Variants in ENO4 observed in about 807,000 individuals in gnomAD.
ENO4 encodes 2-phospho-D-glycerate hydro-lyase.
ENO4 carries 53 observed loss-of-function variants against 63.2 expected under a neutral mutation model. The observed-to-expected ratio is 0.84, with a 90% CI of 0.67 to 1.05. ENO4 has a LOEUF of 1.05. Ranked by LOEUF, ENO4 falls within the 50% of genes least tolerant of loss-of-function variation. The pLI, the probability that ENO4 is intolerant of heterozygous loss-of-function variation, is 0.00. For missense variants in ENO4, 719 were observed against 772.0 expected, an observed-to-expected ratio of 0.93 and a Z score of 0.81; for synonymous variants, 266 against 283.8, an observed-to-expected ratio of 0.94 and a Z score of 0.63.
intron 11 of ENO4, among the ~76,000 whole-genome samples, chr10:116,877,895 T>G (rs116427036): frequency 6.6e-6 from 1 of 152,230 alleles, no homozygotes; most frequent in Admixed American, 6.5e-5. Flanking sequence ...CATGACACTA[T>G]AGTCATCTCA....
In ENO4 at chr10:116,856,537, A is replaced by G; in HGVS notation, c.340A>G (p.Asn114Asp). The G allele has an allele frequency of 6.5e-7, 1 of 1,536,082 alleles. No individual in the cohort carries two copies. Among genetic ancestry groups the G allele is most frequent in the African/African-American group, 1.4e-5 (1 of 73,128 alleles). Residue 114 changes from asparagine to aspartate, a missense_variant, in exon 3 of 14, where the codon AAT (asparagine) becomes GAT (aspartate). Asn to Asp is a conservative substitution (Grantham distance 23). Coordinates refer to ENST00000341276, the MANE Select transcript of ENO4 (RefSeq NM_001242699.2). ...VISTHFEVHE[N>D]ALPELAKAEE... ...CTCGACTCATTTTGAAGTCCATGAG[A>G]ATGCTCTGCCCGAGCTGGCCAAGGC...
At chr10:116,908,828 A>C (rs1201079853) in intron 10 of ENO4, among the ~76,000 whole-genome samples, 2 of 152,182 alleles carry the variant, frequency 1.3e-5, no homozygotes, top group Admixed American at 6.5e-5. Context: ...ATCATACCTG[A>C]TTACTGAAGG....
chr10:116,885,175 A>C (rs1589771153), downstream of ENO4: 1 of 152,658 alleles, frequency 6.6e-6, no homozygotes, highest in East Asian at 1.9e-4. Flanking sequence ...TTTTGCCCTT[A>C]GGTGAAAAAC....
chr10:116,909,328 T>C (rs1010423988), intron 10 of ENO4, among the ~76,000 whole-genome samples: 1 of 152,196 alleles, frequency 6.6e-6, no homozygotes, highest in African/African-American at 2.4e-5. Context: ...AAATTAACTA[T>C]TCAAAAATTT....
Position 116,879,887 on chromosome 10 carries a change from C to T in ENO4, c.1624C>T (p.Arg542Trp), listed in dbSNP as rs753741582. 8.4e-6 allele frequency: 13 copies of T among 1,550,148 alleles called. No homozygotes were observed. Among genetic ancestry groups the T allele is most frequent in the East Asian group, 2.4e-5 (1 of 40,870 alleles). Residue 542 changes from arginine (R) to tryptophan (W), a missense_variant, in exon 13 of 14, where the codon CGG (arginine) becomes TGG (tryptophan). Transcript: ENST00000341276. ...LVDLAVGLGVRFIKLGGLSRG... is the reference protein window; with the variant it reads ...LVDLAVGLGVWFIKLGGLSRG... ...CTTTCAGGCTGTTGGGCTTGGTGTCCGGTTCATCAAGTTGGGGGGTCTTTC... is the reference window on the plus strand; with the variant it reads ...CTTTCAGGCTGTTGGGCTTGGTGTCTGGTTCATCAAGTTGGGGGGTCTTTC...
intron 7 of ENO4, among the ~76,000 whole-genome samples, chr10:116,863,145 G>A (rs555694261): frequency 9.8e-5 from 15 of 152,370 alleles, no homozygotes; most frequent in African/African-American, 3.6e-4. Flanking sequence ...ATGAGAGGCA[G>A]CTTGATGGAA....
At chr10:116,901,205 C>T (rs1334831200) in intron 10 of ENO4, 2 of 985,236 alleles carry the variant, frequency 2.0e-6, no homozygotes, top group Admixed American at 1.2e-4. Flanking sequence ...TCCACTAGAT[C>T]TGTCTGAAAC....
chr10:116,886,177 C>A, downstream of ENO4: 1 of 961,988 alleles, frequency 1.0e-6, no homozygotes, highest in Non-Finnish European at 1.5e-6. Flanking sequence ...TGCTAAACAG[C>A]TTACTTATGT....
intron 8 of ENO4, 71 bp from the exon 9 acceptor site, chr10:116,871,054 G>A: frequency 1.5e-6 from 2 of 1,337,636 alleles, no homozygotes; most frequent in Non-Finnish European, 2.1e-6. Flanking sequence ...CATAAACCAT[G>A]CTTATCACAG....
rs563551622 is a variant in ENO4 at position 116,895,379 on chromosome 10, C to T, written c.1194+15393C>T. ...CTAAAATTTATTTTGAAGCACAGCCCTTTATTGGACATTTGGCATGAAAAA... is the reference window on the plus strand; with the variant it reads ...CTAAAATTTATTTTGAAGCACAGCCTTTTATTGGACATTTGGCATGAAAAA... On this transcript the variant is annotated intron_variant, in intron 10 of 10. Transcript: ENST00000369207. Among the ~76,000 whole-genome samples, 6 of 152,228 alleles carry T rather than the reference C, an allele frequency of 3.9e-5. 1 individual carries two copies. Among genetic ancestry groups the T allele is most frequent in the African/African-American group, 1.4e-4 (6 of 41,552 alleles).
chr10:116,856,988 C>CAAA (rs66621882), intron 3 of ENO4, among the ~76,000 whole-genome samples: 1 of 120,148 alleles, frequency 8.3e-6, no homozygotes, highest in Non-Finnish European at 1.9e-5. Flanking sequence ...GACTCTGTAT[C>CAAA]AAAAAAAAAA....
At chr10:116,881,445 T>G in intron 13 of ENO4, 70 bp from the exon 14 acceptor site, 1 of 1,248,110 alleles carries the variant, frequency 8.0e-7, no homozygotes, top group Non-Finnish European at 1.1e-6. Context: ...ATGATCTCCT[T>G]CAACTTATGT....
rs763810517 is a variant in ENO4, at chr10:116,881,739, C to T, written c.*70C>T. The stretch of plus-strand genomic sequence containing the variant: ...GACCGGGAGGTCTGAAGTACGGCGC[C>T]GTGTCTCCACATGGAGTTTCCTCTT... On this transcript the variant is annotated 3_prime_UTR_variant, in exon 14 of 14. Transcript: ENST00000341276. The T allele has an allele frequency of 2.3e-5, 28 of 1,197,504 alleles. No homozygotes were observed. The highest frequency in any genetic ancestry group is 4.1e-4 in the Middle Eastern group (2 of 4,904). 74.2% of individuals were successfully genotyped at this position (1,197,504 alleles called of 1,614,324 possible). A position where few individuals can be genotyped will look rare whatever the true frequency, so the allele number is the denominator to read the frequency against.
Position 116,868,681 on chromosome 10 carries a change from G to A in ENO4, c.1022G>A (p.Gly341Glu), listed in dbSNP as rs1444231260. The change falls in exon 8 of 14, where the codon GGG becomes GAG. Residue 341 changes from glycine (G) to glutamate (E), a missense_variant. Physicochemically the swap from Gly to Glu is moderately conservative, Grantham distance 98. Coordinates refer to ENST00000341276, the MANE Select transcript of ENO4 (RefSeq NM_001242699.2). ...CCTCCAAAAGCAGAGACAAAAAAAG[G>A]GCACGATGGAAGCAAAAGAGGTCAA... is the stretch of plus-strand genomic sequence containing the variant. ...PSPPKAETKK[G>E]HDGSKRGQQQ... is the part of the protein sequence containing the mutation. The A allele has an allele frequency of 1.3e-6, 2 of 1,550,358 alleles. No individual in the cohort carries two copies. The highest frequency in any genetic ancestry group is 2.7e-5 in the African/African-American group (2 of 73,022).
intron 10 of ENO4, chr10:116,902,073 A>C: frequency 1.1e-6 from 1 of 870,014 alleles, no homozygotes; most frequent in Non-Finnish European, 1.7e-6. Flanking sequence ...AAGTTTGTTA[A>C]AATTTCAAGA....
intron 10 of ENO4, chr10:116,911,456 T>A (rs1320082867): frequency 1.3e-6 from 2 of 1,547,504 alleles, no homozygotes; most frequent in Non-Finnish European, 1.7e-6. Flanking sequence ...TCTATTATAT[T>A]TCTGTTTTTC....
intron 11 of ENO4, among the ~76,000 whole-genome samples, chr10:116,877,324 T>C (rs911750445): frequency 6.6e-5 from 10 of 152,116 alleles, no homozygotes; most frequent in African/African-American, 2.4e-4. Flanking sequence ...CCCAAGTACA[T>C]AGTAAGGATG....
Position 116,881,533 on chromosome 10 carries a change from CT to C in ENO4, c.1750del (p.Tyr584ThrfsTer31), listed in dbSNP as rs763733545. The C allele has an allele frequency of 1.0e-5, 16 of 1,542,944 alleles. No homozygotes were observed. Among genetic ancestry groups the C allele is most frequent in the Admixed American group, 1.0e-4 (5 of 49,248 alleles). On this transcript the variant is annotated frameshift_variant, in exon 14 of 14. Transcript: ENST00000341276. LOFTEE classifies it low-confidence loss of function (END_TRUNC). ...TAAATAGGTTTCAAAGAAGAACACA[CT>C]TTTTTTTACTTTAATGAGGAAGCTG... is the stretch of plus-strand genomic sequence containing the variant. ...NGTLGFKEEH[T>X]FFYFNEEAEK... is the part of the protein sequence containing the mutation.
rs1167755330 is a variant in ENO4, at chr10:116,871,108, G to C, written c.1048-17G>C. 1 of 1,549,532 alleles carries C rather than the reference G, an allele frequency of 6.5e-7. No homozygotes were observed. The highest frequency in any genetic ancestry group is 2.0e-5 in the Admixed American group (1 of 50,990). Reference sequence around the variant, plus strand: ...ATGTGCTGTATTGACATGGATCATTGTCTCTTGATCTTGCAGCAGCAGATC... The same window carrying C: ...ATGTGCTGTATTGACATGGATCATTCTCTCTTGATCTTGCAGCAGCAGATC... On this transcript the variant is annotated splice_polypyrimidine_tract_variant and intron_variant, in intron 8 of 13. Coordinates refer to ENST00000341276, the MANE Select transcript of ENO4 (RefSeq NM_001242699.2).
Sources: allele counts gnomAD v4.1 joint callset (sites outside exome capture counted in the v4.1 genomes callset), GRCh38; gene constraint gnomAD v4.1.1; transcripts MANE v1.5; gene names NCBI Gene and HGNC (gene_info 2026-07-23, HGNC 2026-07-21).